The following MALT1 variants were observed in gnomAD, a reference collection of about 807,000 sequenced individuals.
The protein encoded by MALT1 is MALT1 paracaspase.
In MALT1, 36 loss-of-function variants were observed where a neutral mutation model predicts 85.5. That is an observed-to-expected ratio of 0.42 (90% confidence interval 0.32 to 0.56). The LOEUF (loss-of-function observed/expected upper bound fraction) is 0.56, where lower values mean the gene tolerates loss of function less well. MALT1 is among the 20% of genes least tolerant of loss of function. MALT1 has a pLI of 0.10. For synonymous variants in MALT1, 359 were observed against 361.3 expected, an observed-to-expected ratio of 0.99 and a Z score of 0.07; for missense variants, 716 against 981.6, an observed-to-expected ratio of 0.73 and a Z score of 3.62.
In MALT1 at chr18:58,750,459, A is replaced by C. The variant is rs1486561085; in HGVS notation, c.*2617A>C. The C allele has an allele frequency of 6.6e-6, 1 of 152,234 alleles. No homozygotes were observed. Among genetic ancestry groups the C allele is most frequent in the Non-Finnish European group, 1.5e-5 (1 of 68,030 alleles). 9.4% of individuals were successfully genotyped at this position (152,234 alleles called of 1,614,324 possible). A position where few individuals can be genotyped will look rare whatever the true frequency, so the allele number is the denominator to read the frequency against. The stretch of plus-strand genomic sequence containing the variant: ...GAATAGCCAAAAAACCTTGGAAAAG[A>C]ACAAAGTTGGAAGACGTACCAATTT... On this transcript the variant is annotated 3_prime_UTR_variant, in exon 17 of 17. Transcript: ENST00000649217.
chr18:58,717,173 A>AC (rs1475443392), intron 9 of MALT1, among the ~76,000 whole-genome samples: 3 of 151,996 alleles, frequency 2.0e-5, no homozygotes, highest in African/African-American at 7.2e-5. Flanking sequence ...GATCAGCCTA[A>AC]CCAACATGGA....
chr18:58,684,890 G>A (rs1202152004), intron 2 of MALT1, among the ~76,000 whole-genome samples: 1 of 152,096 alleles, frequency 6.6e-6, no homozygotes, highest in Non-Finnish European at 1.5e-5. Context: ...TTAATTGGTG[G>A]TTTGCCTCGT....
intron 4 of MALT1, among the ~76,000 whole-genome samples, chr18:58,704,096 T>A (rs748012051): frequency 6.6e-6 from 1 of 152,254 alleles, no homozygotes; most frequent in Non-Finnish European, 1.5e-5. Context: ...ACATTTAGTT[T>A]GTGTCCAGTT....
chr18:58,742,388 A>T (rs961486988), intron 14 of MALT1, among the ~76,000 whole-genome samples: 1 of 152,108 alleles, frequency 6.6e-6, no homozygotes, highest in East Asian at 1.9e-4. Context: ...TGAACATGTT[A>T]TCTATAACAT....
At position 58,700,606 on chromosome 18, in the gene MALT1, A is replaced by C. The variant is rs750556386; in HGVS notation, c.649+15A>C. On this transcript the variant is annotated intron_variant, in intron 4 of 16. Transcript: ENST00000649217. ...GAGCTTCCAGAGTAAGTAACGAAAG[A>C]AGCTGAATGTTGGGATGGGGATTCC... The C allele has an allele frequency of 6.3e-7, 1 of 1,576,134 alleles. No individual in the cohort carries two copies. The highest frequency in any genetic ancestry group is 1.2e-5 in the South Asian group (1 of 83,528).
intron 1 of MALT1, chr18:58,672,082 C>A: frequency 2.9e-6 from 1 of 343,852 alleles, no homozygotes; most frequent in Non-Finnish European, 5.2e-6. Flanking sequence ...CAAAAGTGGC[C>A]CAGCGGCTGC....
intron 15 of MALT1, 113 bp downstream of exon 15, chr18:58,744,608 A>ATTTCCTT: frequency 2.5e-6 from 1 of 403,620 alleles, no homozygotes; most frequent in Non-Finnish European, 4.1e-6. Context: ...ATATTTATAT[A>ATTTCCTT]TGTGTATATA....
intron 3 of MALT1, among the ~76,000 whole-genome samples, chr18:58,698,345 G>C (rs542530997): frequency 1.3e-5 from 2 of 152,262 alleles, no homozygotes; most frequent in African/African-American, 4.8e-5. Flanking sequence ...GATTACAGGC[G>C]TGAGCTGTCG....
chr18:58,709,719 T>C (rs766367511), intron 5 of MALT1, among the ~76,000 whole-genome samples, 163 bp downstream of exon 5: 3 of 152,248 alleles, frequency 2.0e-5, no homozygotes, highest in Non-Finnish European at 2.9e-5. Context: ...CTAGCTCTTA[T>C]ATTTGCTAAA....
rs1054217880 is a variant in MALT1 at position 58,749,247 on chromosome 18, A to G, written c.*1405A>G. ...AAAGTGTATTTGTGTATATGTGTGTATACATATGTTTATCTCACACACATT... is the reference window on the plus strand; with the variant it reads ...AAAGTGTATTTGTGTATATGTGTGTGTACATATGTTTATCTCACACACATT... On this transcript the variant is annotated 3_prime_UTR_variant, in exon 17 of 17. Coordinates refer to ENST00000649217, the MANE Select transcript of MALT1 (RefSeq NM_006785.4). The G allele has an allele frequency of 1.8e-5, 4 of 216,392 alleles. No homozygotes were observed. The highest frequency in any genetic ancestry group is 1.2e-4 in the Admixed American group (2 of 17,248). The allele number at this position is 216,392 out of a possible 1,614,324, so 13.4% of individuals were successfully genotyped here. A position where few individuals can be genotyped will look rare whatever the true frequency, so the allele number is the denominator to read the frequency against.
At chr18:58,728,007 G>A (rs1259429559) in intron 10 of MALT1, among the ~76,000 whole-genome samples, 1 of 152,130 alleles carries the variant, frequency 6.6e-6, no homozygotes, top group East Asian at 1.9e-4. Flanking sequence ...CTGGGGTGGC[G>A]GGTGTTGTGC....
chr18:58,674,148 A>G (rs577228965), intron 1 of MALT1: 1 of 152,300 alleles, frequency 6.6e-6, no homozygotes, highest in Admixed American at 6.5e-5. Flanking sequence ...GAGAGAAGAA[A>G]GTCAGCAAGG....
chr18:58,723,451 T>C (rs888739570), intron 10 of MALT1, among the ~76,000 whole-genome samples, 200 bp downstream of exon 10: 7 of 152,214 alleles, frequency 4.6e-5, no homozygotes, highest in African/African-American at 1.7e-4. Flanking sequence ...ACTTTTATGT[T>C]TCCTGTTTTG....
intron 13 of MALT1, among the ~76,000 whole-genome samples, chr18:58,739,209 A>T (rs1314937460): frequency 6.6e-6 from 1 of 152,200 alleles, no homozygotes; most frequent in Admixed American, 6.5e-5. Flanking sequence ...ACACTACTAG[A>T]TTTAATTTGC....
intron 13 of MALT1, among the ~76,000 whole-genome samples, chr18:58,739,638 C>T (rs529817475): frequency 6.6e-6 from 1 of 152,316 alleles, no homozygotes; most frequent in South Asian, 2.1e-4. Flanking sequence ...CAAAGACTGA[C>T]CTCCCACAAG....
At position 58,750,247 on chromosome 18, in the gene MALT1, T is replaced by C. The variant is rs572506520; in HGVS notation, c.*2405T>C. On this transcript the variant is annotated 3_prime_UTR_variant, in exon 17 of 17. Transcript: ENST00000649217. ...ATCAAGAATAAAACTCCAACACGTT[T>C]AAAGAAATTAAGATCCAGATAAATG... is the stretch of plus-strand genomic sequence containing the variant. 2 of 167,324 alleles carry C rather than the reference T, an allele frequency of 1.2e-5. No individual in the cohort carries two copies. Among genetic ancestry groups the C allele is most frequent in the South Asian group, 4.1e-4 (2 of 4,938 alleles). The allele number at this position is 167,324 out of a possible 1,614,324, so 10.4% of individuals were successfully genotyped here.
chr18:58,729,101 T>G (rs180968276), intron 10 of MALT1, among the ~76,000 whole-genome samples: 1 of 152,354 alleles, frequency 6.6e-6, no homozygotes, highest in African/African-American at 2.4e-5. Flanking sequence ...TTTACTGAGT[T>G]ATTTTTGTTA....
intron 2 of MALT1, among the ~76,000 whole-genome samples, chr18:58,685,288 C>A (rs2144320894): frequency 6.6e-6 from 1 of 152,162 alleles, no homozygotes; most frequent in African/African-American, 2.4e-5. Context: ...TGTGAACTGG[C>A]CTTTGAGGTC....
In MALT1 at chr18:58,748,500, TC is replaced by T. The variant is rs1289026300; in HGVS notation, c.*659del. On this transcript the variant is annotated 3_prime_UTR_variant, in exon 17 of 17. Transcript: ENST00000649217. ...TTTAGTTAAGAGGTTTGTATATAAA[TC>T]TGTTATAGAACAGGCTGAAATTTCT... 3.2e-5 allele frequency: 6 copies of T among 184,848 alleles called. No homozygotes were observed. Among genetic ancestry groups the T allele is most frequent in the African/African-American group, 1.4e-4 (6 of 42,766 alleles). The allele number at this position is 184,848 out of a possible 1,614,324, so 11.5% of individuals were successfully genotyped here.
Sources: allele counts gnomAD v4.1 joint callset (sites outside exome capture counted in the v4.1 genomes callset), GRCh38; gene constraint gnomAD v4.1.1; transcripts MANE v1.5; gene names NCBI Gene and HGNC (gene_info 2026-07-23, HGNC 2026-07-21).